USP32: variants seen among roughly 807,000 people sequenced by gnomAD.
The protein encoded by USP32 is ubiquitin carboxyl-terminal hydrolase 32.
A neutral mutation model predicts 204.8 loss-of-function variants in USP32; 59 were observed. The ratio of observed to expected loss-of-function variants is 0.29; its 90% confidence interval spans 0.23 to 0.36. USP32 has a LOEUF of 0.36. USP32 is among the 10% of genes least tolerant of loss of function. The pLI, the probability that USP32 is intolerant of heterozygous loss-of-function variation, is 1.00. For synonymous variants in USP32, 517 were observed against 678.4 expected (o/e 0.76, Z 3.70); for missense variants, 1,160 against 1,946.4 (o/e 0.60, Z 7.60).
intron 2 of USP32, among the ~76,000 whole-genome samples, chr17:60,329,818 A>G (rs2088336390): frequency 6.6e-6 from 1 of 152,232 alleles, no homozygotes; most frequent in Non-Finnish European, 1.5e-5. Flanking sequence ...CATGCTGCCA[A>G]CACATAGAAT....
At chr17:60,214,584 C>T (rs2085053502) in intron 17 of USP32, 36 bp downstream of exon 17, 1 of 1,582,274 alleles carries the variant, frequency 6.3e-7, no homozygotes, top group African/African-American at 1.4e-5. Context: ...CAAATACCAA[C>T]AATCAGACTC....
At chr17:60,207,524 T>C (rs1266257111) in intron 24 of USP32, among the ~76,000 whole-genome samples, 2 of 151,728 alleles carry the variant, frequency 1.3e-5, no homozygotes, top group Non-Finnish European at 1.5e-5. Flanking sequence ...TAATTTAGAG[T>C]AGGCAATATA....
intron 1 of USP32, among the ~76,000 whole-genome samples, chr17:60,374,399 GT>G (rs1257100336): frequency 7.3e-4 from 103 of 141,486 alleles, no homozygotes; most frequent in Middle Eastern, 3.6e-3. Context: ...GTTAAGTTTT[GT>G]TTTTTTTTTT....
intron 9 of USP32, among the ~76,000 whole-genome samples, chr17:60,264,857 CAAAA>C (rs34027846): frequency 2.1e-4 from 9 of 43,508 alleles, no homozygotes; most frequent in African/African-American, 4.3e-4. Flanking sequence ...AAGACTCTGT[CAAAA>C]AAAAAAAAAA....
intron 2 of USP32, among the ~76,000 whole-genome samples, chr17:60,340,606 G>A (rs2088633976): frequency 6.6e-6 from 1 of 152,104 alleles, no homozygotes; most frequent in Non-Finnish European, 1.5e-5. Flanking sequence ...ACACTGATGG[G>A]TCTTGACTCT....
At chr17:60,391,800 C>T (rs1454511817) in intron 1 of USP32, 82 bp downstream of exon 1, 4 of 1,507,504 alleles carry the variant, frequency 2.7e-6, no homozygotes, top group Non-Finnish European at 3.6e-6. Flanking sequence ...CCTCAATCTC[C>T]CCTCTCCCTC....
chr17:60,276,868 C>A (rs1313412080), intron 5 of USP32, among the ~76,000 whole-genome samples: 2 of 151,514 alleles, frequency 1.3e-5, no homozygotes, highest in Admixed American at 1.3e-4. Context: ...TGTATGTGAT[C>A]TGTTCATTTT....
In USP32 at chr17:60,181,496, A is replaced by G. The variant is rs763861492; in HGVS notation, c.4376T>C (p.Val1459Ala). The G allele has an allele frequency of 1.9e-6, 3 of 1,613,996 alleles. No individual in the cohort carries two copies. The highest frequency in any genetic ancestry group is 2.5e-6 in the Non-Finnish European group (3 of 1,179,874). Residue 1459 changes from valine (V) to alanine (A), a missense_variant, in exon 32 of 34, where the codon GTC becomes GCC. Transcript: ENST00000300896. ...HVLGGSQPEL[V>A]TPQDHEVALA... is the part of the protein sequence containing the mutation. Reference sequence around the variant, plus strand: ...AGCTACCTCATGGTCCTGAGGAGTGACCAACTCTGGTTGGCTGCCCCCCAG... The same window carrying G: ...AGCTACCTCATGGTCCTGAGGAGTGGCCAACTCTGGTTGGCTGCCCCCCAG...
At chr17:60,379,840 A>T (rs1308832265) in intron 1 of USP32, among the ~76,000 whole-genome samples, 1 of 152,240 alleles carries the variant, frequency 6.6e-6, no homozygotes, top group East Asian at 1.9e-4. Context: ...AATCATACAG[A>T]CACACCAATG....
At chr17:60,420,377 C>T (rs1259806758) in intron 1 of USP32, among the ~76,000 whole-genome samples, 5 of 152,120 alleles carry the variant, frequency 3.3e-5, no homozygotes. Flanking sequence ...TTAAAAAAGA[C>T]TCTTTCCTGG....
chr17:60,312,697 A>G (rs2087883948), intron 2 of USP32, among the ~76,000 whole-genome samples: 1 of 152,282 alleles, frequency 6.6e-6, no homozygotes, highest in African/African-American at 2.4e-5. Flanking sequence ...AAAGGAAAGT[A>G]TACATAAGTT....
At chr17:60,291,279 T>A (rs2087265961) in intron 4 of USP32, among the ~76,000 whole-genome samples, 1 of 152,212 alleles carries the variant, frequency 6.6e-6, no homozygotes, top group Admixed American at 6.5e-5. Context: ...AAATCTGATT[T>A]TTTATGTTTC....
chr17:60,418,284 C>T (rs1376724491), intron 1 of USP32, among the ~76,000 whole-genome samples: 1 of 151,580 alleles, frequency 6.6e-6, no homozygotes, highest in African/African-American at 2.4e-5. Context: ...GTAGAGACAG[C>T]ATTTCACCAT....
At chr17:60,351,991 G>T (rs958429142) in intron 1 of USP32, among the ~76,000 whole-genome samples, 2 of 151,982 alleles carry the variant, frequency 1.3e-5, no homozygotes, top group Admixed American at 6.6e-5. Context: ...ACATATAAAA[G>T]AATAAAGTGG....
At chr17:60,320,631 G>A (rs2088090027) in intron 2 of USP32, among the ~76,000 whole-genome samples, 1 of 152,130 alleles carries the variant, frequency 6.6e-6, no homozygotes, top group Non-Finnish European at 1.5e-5. Context: ...AGAAATTGAT[G>A]TTTTTTTCAT....
chr17:60,310,559 C>T (rs748162808), intron 2 of USP32, among the ~76,000 whole-genome samples: 75 of 151,828 alleles, frequency 4.9e-4, no homozygotes, highest in Non-Finnish European at 8.5e-4. Flanking sequence ...ATTAGCTGGG[C>T]GTGGTGGCAC....
At position 60,392,081 on chromosome 17, in the gene USP32, T is replaced by C. The variant is rs1346239896; in HGVS notation, c.-142A>G. On this transcript the variant is annotated 5_prime_UTR_variant, in exon 1 of 34. Transcript: ENST00000300896. The stretch of plus-strand genomic sequence containing the variant: ...TCCCCCCACACTAACAAGTGCGGCT[T>C]CTGCCCCGGCGGCTCCTCCCGGTCG... The C allele has an allele frequency of 2.6e-5, 24 of 938,224 alleles. No individual in the cohort carries two copies. In the East Asian group the frequency reaches 7.1e-4, roughly 28 times the overall value. The allele number at this position is 938,224 out of a possible 1,614,324, so 58.1% of individuals were successfully genotyped here.
At chr17:60,216,654 T>G (rs1262103231) in intron 16 of USP32, among the ~76,000 whole-genome samples, 2 of 152,358 alleles carry the variant, frequency 1.3e-5, no homozygotes, top group South Asian at 2.1e-4. Context: ...AAAGCCTACA[T>G]TTAAGTAATT....
At chr17:60,256,908 TA>T (rs1266169179) in intron 9 of USP32, 2 of 411,952 alleles carry the variant, frequency 4.9e-6, no homozygotes, top group Non-Finnish European at 8.9e-6. Context: ...TCCCATAGAA[TA>T]AAAAACACTG....
Sources: allele counts gnomAD v4.1 joint callset (sites outside exome capture counted in the v4.1 genomes callset), GRCh38; gene constraint gnomAD v4.1.1; transcripts MANE v1.5; gene names NCBI Gene and HGNC (gene_info 2026-07-23, HGNC 2026-07-21).